Variants in SUCO observed in about 807,000 individuals in gnomAD.
The protein encoded by SUCO is SUN domain-containing ossification factor.
SUCO carries 57 observed loss-of-function variants against 148.1 expected under a neutral mutation model. The observed-to-expected ratio is 0.38, with a 90% CI of 0.31 to 0.48. SUCO has a LOEUF of 0.48. Ranked by LOEUF, SUCO falls within the 20% of genes least tolerant of loss-of-function variation. The pLI is 0.96. For missense variants in SUCO, 1,331 were observed against 1,468.2 expected (o/e 0.91, Z 1.53); for synonymous variants, 470 against 502.7 (o/e 0.93, Z 0.87).
At chr1:172,549,312 T>G (rs1387203561) in intron 1 of SUCO, among the ~76,000 whole-genome samples, 1 of 151,818 alleles carries the variant, frequency 6.6e-6, no homozygotes, top group Non-Finnish European at 1.5e-5. Context: ...TTAGTTTTAT[T>G]AGCCAAGCCT....
chr1:172,573,005 A>G (rs1442155663), intron 9 of SUCO, among the ~76,000 whole-genome samples: 1 of 152,168 alleles, frequency 6.6e-6, no homozygotes, highest in African/African-American at 2.4e-5. Flanking sequence ...TTCCATGTTA[A>G]TAAATGTAAA....
intron 13 of SUCO, 133 bp from the exon 14 acceptor site, chr1:172,578,165 G>A: frequency 1.5e-6 from 1 of 676,484 alleles, no homozygotes; most frequent in Non-Finnish European, 2.6e-6. Flanking sequence ...GTAAGGAGCA[G>A]CCATTATTTT....
intron 3 of SUCO, 45 bp from the exon 4 acceptor site, chr1:172,555,824 T>C (rs780011970): frequency 5.3e-6 from 8 of 1,498,384 alleles, no homozygotes; most frequent in South Asian, 5.0e-5. Context: ...AGAGATGTTA[T>C]ATTAATCTCA....
At chr1:172,549,322 T>C (rs184797931) in intron 1 of SUCO, among the ~76,000 whole-genome samples, 1 of 151,964 alleles carries the variant, frequency 6.6e-6, no homozygotes, top group African/African-American at 2.4e-5. Flanking sequence ...TAGCCAAGCC[T>C]AATAATTGCA....
At chr1:172,555,622 G>C (rs1054268965) in intron 3 of SUCO, among the ~76,000 whole-genome samples, 2 of 152,170 alleles carry the variant, frequency 1.3e-5, no homozygotes, top group South Asian at 4.1e-4. Flanking sequence ...GTAGGAAATA[G>C]GTAGGGAGAA....
intron 11 of SUCO, chr1:172,577,066 T>C: frequency 1.4e-6 from 1 of 726,246 alleles, no homozygotes; most frequent in South Asian, 6.3e-5. Flanking sequence ...TATACAAGTA[T>C]AAATATCATT....
chr1:172,599,501 A>G lies in SUCO; in HGVS notation c.2914-563A>G, dbSNP rs1002226248. On this transcript the variant is annotated intron_variant, in intron 19 of 23. Transcript: ENST00000263688. ...AGTGCTGCCTAAAACAGATGGAAAG[A>G]TAGGCATTTTTGATGCATTTCTTTC... is the stretch of plus-strand genomic sequence containing the variant. 8 of 564,032 alleles carry G rather than the reference A, an allele frequency of 1.4e-5. No homozygotes were observed. In the African/African-American group the frequency reaches 1.6e-4, roughly 11 times the overall value. 34.9% of individuals were successfully genotyped at this position (564,032 alleles called of 1,614,324 possible). A position where few individuals can be genotyped will look rare whatever the true frequency, so the allele number is the denominator to read the frequency against.
At chr1:172,560,960 C>G (rs1192010972) in intron 6 of SUCO, among the ~76,000 whole-genome samples, 1 of 152,200 alleles carries the variant, frequency 6.6e-6, no homozygotes, top group Non-Finnish European at 1.5e-5. Flanking sequence ...TCCCCCTATT[C>G]TAATGGGGGT....
upstream of SUCO, chr1:172,532,407 C>T (rs1470644406): frequency 7.0e-6 from 9 of 1,278,304 alleles, no homozygotes; most frequent in East Asian, 2.4e-5. Flanking sequence ...GTGAGGAACC[C>T]GGCAAGCGGC....
intron 1 of SUCO, 33 bp downstream of exon 1, chr1:172,533,530 G>GA: frequency 6.6e-7 from 1 of 1,513,204 alleles, no homozygotes; most frequent in Non-Finnish European, 8.9e-7. Flanking sequence ...GAGTTCCCGT[G>GA]AGGGGAGTAA....
chr1:172,537,033 A>G (rs1010815683), intron 1 of SUCO, among the ~76,000 whole-genome samples: 52 of 152,136 alleles, frequency 3.4e-4, no homozygotes, highest in African/African-American at 1.3e-3. Flanking sequence ...GGATGCAGAC[A>G]TCTTTGAGGG....
intron 1 of SUCO, among the ~76,000 whole-genome samples, chr1:172,547,625 G>C (rs945936295): frequency 1.3e-4 from 20 of 152,120 alleles, no homozygotes; most frequent in Admixed American, 1.2e-3. Context: ...AAAAATGTTA[G>C]TGCCACATAA....
At chr1:172,594,953 A>G (rs1656981099) in intron 19 of SUCO, among the ~76,000 whole-genome samples, 1 of 152,152 alleles carries the variant, frequency 6.6e-6, no homozygotes, top group Non-Finnish European at 1.5e-5. Context: ...TGCTTCATGA[A>G]TCTGGGTGCT....
intron 21 of SUCO, 82 bp downstream of exon 21, chr1:172,602,300 G>A: frequency 7.2e-7 from 1 of 1,391,644 alleles, no homozygotes; most frequent in Non-Finnish European, 9.5e-7. Flanking sequence ...CAAATAAAGG[G>A]AGACTGAGGT....
chr1:172,593,604 C>T (rs528774864), intron 19 of SUCO, among the ~76,000 whole-genome samples: 77 of 152,252 alleles, frequency 5.1e-4, no homozygotes, highest in Non-Finnish European at 8.5e-4. Context: ...TTGAACCAGC[C>T]GTGCATCCCA....
intron 1 of SUCO, among the ~76,000 whole-genome samples, chr1:172,550,303 A>G (rs1413767195): frequency 1.3e-5 from 2 of 152,158 alleles, no homozygotes; most frequent in East Asian, 3.9e-4. Flanking sequence ...TCCAAGTAAA[A>G]GGATTGTCAA....
At chr1:172,543,771 T>C (rs1652664097) in intron 1 of SUCO, among the ~76,000 whole-genome samples, 1 of 152,106 alleles carries the variant, frequency 6.6e-6, no homozygotes, top group East Asian at 1.9e-4. Context: ...GATTTGACTA[T>C]GGACTGTTGA....
At chr1:172,547,662 T>G (rs761978527) in intron 1 of SUCO, among the ~76,000 whole-genome samples, 17 of 152,196 alleles carry the variant, frequency 1.1e-4, no homozygotes, top group Non-Finnish European at 2.1e-4. Context: ...TGTTCCAAGT[T>G]AAATGATACT....
chr1:172,609,156 A>C (rs1480249605), intron 23 of SUCO: 1 of 726,114 alleles, frequency 1.4e-6, no homozygotes, highest in African/African-American at 1.9e-5. Flanking sequence ...AATGCATGCC[A>C]AGCACAGAGC....
Sources: allele counts gnomAD v4.1 joint callset (sites outside exome capture counted in the v4.1 genomes callset), GRCh38; gene constraint gnomAD v4.1.1; transcripts MANE v1.5; gene names NCBI Gene and HGNC (gene_info 2026-07-23, HGNC 2026-07-21).